The following CLN8 variants were observed in gnomAD, a reference collection of about 807,000 sequenced individuals.
CLN8 encodes the protein protein CLN8.
A neutral mutation model predicts 15.7 loss-of-function variants in CLN8; 14 were observed. That is an observed-to-expected ratio of 0.89 (90% confidence interval 0.59 to 1.39). The LOEUF is 1.39. Among genes scored for constraint, CLN8 ranks in the 40% most tolerant of loss-of-function variants. The pLI is 0.00. For synonymous variants in CLN8, 188 were observed against 151.0 expected (o/e 1.25, Z -1.80); for missense variants, 415 against 364.0 (o/e 1.14, Z -1.14).
At chr8:1,757,121 C>A (rs917840266) in intron 1 of CLN8, among the ~76,000 whole-genome samples, 1 of 152,220 alleles carries the variant, frequency 6.6e-6, no homozygotes, top group African/African-American at 2.4e-5. Context: ...GCGTCCCTCT[C>A]TCTACAGTTT....
At chr8:1,773,912 A>G (rs1434496124) in intron 2 of CLN8, 1 of 152,236 alleles carries the variant, frequency 6.6e-6, no homozygotes, top group African/African-American at 2.4e-5. Flanking sequence ...GTAAATAGTG[A>G]CTAAATTATT....
At chr8:1,780,065 C>G in intron 2 of CLN8, 185 bp from the exon 3 acceptor site, 1 of 985,470 alleles carries the variant, frequency 1.0e-6, no homozygotes, top group Non-Finnish European at 1.2e-6. Flanking sequence ...GGTGCGCCCA[C>G]AGAGCTGGTG....
chr8:1,757,013 A>G (rs1254642229), intron 1 of CLN8, among the ~76,000 whole-genome samples: 1 of 152,118 alleles, frequency 6.6e-6, no homozygotes, highest in Non-Finnish European at 1.5e-5. Context: ...GCTGCACTAA[A>G]GTCCTTTAGG....
At chr8:1,775,626 G>A (rs1426209709) in intron 2 of CLN8, among the ~76,000 whole-genome samples, 1 of 152,206 alleles carries the variant, frequency 6.6e-6, no homozygotes, top group Non-Finnish European at 1.5e-5. Flanking sequence ...GAGGAAAATG[G>A]TGGAGGAGAA....
chr8:1,753,479 G>C (rs921890704), upstream of CLN8, among the ~76,000 whole-genome samples: 1 of 148,502 alleles, frequency 6.7e-6, no homozygotes, highest in Non-Finnish European at 1.5e-5. Context: ...GCTGAGGCAG[G>C]AGAATGGCTT....
chr8:1,771,654 A>G (rs915726626), intron 2 of CLN8, 57 bp downstream of exon 2: 10 of 1,512,070 alleles, frequency 6.6e-6, no homozygotes, highest in South Asian at 1.2e-5. Flanking sequence ...ATCACTGGCT[A>G]CAATGTCCTG....
At chr8:1,761,376 G>C (rs551246938), upstream of CLN8, among the ~76,000 whole-genome samples, 22 of 152,272 alleles carry the variant, frequency 1.4e-4, no homozygotes, top group South Asian at 2.5e-3. Context: ...CCAGGCTGGA[G>C]TGCAGTGGTG....
At chr8:1,770,642 A>C (rs1357944290) in intron 1 of CLN8, among the ~76,000 whole-genome samples, 1 of 152,160 alleles carries the variant, frequency 6.6e-6, no homozygotes, top group Non-Finnish European at 1.5e-5. Context: ...ACTGCTGTGA[A>C]GGCGGGAGAC....
At chr8:1,770,831 T>G in intron 1 of CLN8, 101 bp from the exon 2 acceptor site, 3 of 603,520 alleles carry the variant, frequency 5.0e-6, no homozygotes, top group Non-Finnish European at 8.9e-6. Context: ...AAGAATAAGG[T>G]ACAGAATTAA....
At chr8:1,753,854 C>A (rs1800608048), upstream of CLN8, among the ~76,000 whole-genome samples, 1 of 151,710 alleles carries the variant, frequency 6.6e-6, no homozygotes, top group Admixed American at 6.6e-5. Flanking sequence ...CCATTGCACT[C>A]CAGCCTGAGT....
chr8:1,755,732 C>G (rs552309271), upstream of CLN8: 20 of 152,318 alleles, frequency 1.3e-4, no homozygotes, highest in African/African-American at 4.8e-4. Context: ...GAGACAACAT[C>G]CTGTTACACC....
intron 2 of CLN8, among the ~76,000 whole-genome samples, chr8:1,774,930 G>C (rs758897283): frequency 6.6e-6 from 1 of 152,182 alleles, no homozygotes; most frequent in Non-Finnish European, 1.5e-5. Context: ...ACAGTGAGCT[G>C]TGATTACGCC....
intron 1 of CLN8, among the ~76,000 whole-genome samples, chr8:1,765,894 C>A (rs531141265): frequency 6.6e-6 from 1 of 152,186 alleles, no homozygotes; most frequent in African/African-American, 2.4e-5. Flanking sequence ...ACTGAACTTG[C>A]GTTAGCAGGG....
chr8:1,778,500 G>A (rs971323409), intron 2 of CLN8, among the ~76,000 whole-genome samples: 1 of 152,226 alleles, frequency 6.6e-6, no homozygotes, highest in African/African-American at 2.4e-5. Flanking sequence ...CTTCCTGAGT[G>A]TTCACTGTGC....
Position 1,780,642 on chromosome 8 carries a change from T to C in CLN8, c.*75T>C. 4 of 1,374,890 alleles carry C rather than the reference T, an allele frequency of 2.9e-6. No individual in the cohort carries two copies. The highest frequency in any genetic ancestry group is 3.1e-6 in the Non-Finnish European group (3 of 976,354). 85.2% of individuals were successfully genotyped at this position (1,374,890 alleles called of 1,614,324 possible). ...TGGGAAGCCCCGCGAATGATGGCTT[T>C]TGAATTAATGAGGCAGTGAATGTTT... On this transcript the variant is annotated 3_prime_UTR_variant, in exon 3 of 3. Transcript: ENST00000331222.
At chr8:1,757,061 AGCTG>A (rs1455257644) in intron 1 of CLN8, among the ~76,000 whole-genome samples, 3 of 152,170 alleles carry the variant, frequency 2.0e-5, no homozygotes, top group East Asian at 1.9e-4. Flanking sequence ...CAAGAGATGA[AGCTG>A]GAGAGCAGGC....
chr8:1,771,380 C>A lies in CLN8; in HGVS notation c.326C>A (p.Thr109Lys). ...AACTGGTGCTGGTTTCACATCACGA[C>A]AGCAACGGGATTCTTTTGCTTTGAA... ...QQNWCWFHIT[T>K]ATGFFCFENV... is the part of the protein sequence containing the mutation. Residue 109 changes from threonine to lysine, a missense_variant, in exon 2 of 3, where the codon ACA (threonine) becomes AAA (lysine). Thr to Lys is a moderately conservative substitution (Grantham distance 78, BLOSUM62 -1). Coordinates refer to ENST00000331222, the MANE Select transcript of CLN8 (RefSeq NM_018941.4). 6.2e-7 allele frequency: 1 copy of A among 1,614,212 alleles called. No individual in the cohort carries two copies. The highest frequency in any genetic ancestry group is 1.3e-5 in the African/African-American group (1 of 75,066).
At chr8:1,769,339 G>C (rs1363328722) in intron 1 of CLN8, among the ~76,000 whole-genome samples, 2 of 152,146 alleles carry the variant, frequency 1.3e-5, no homozygotes, top group African/African-American at 4.8e-5. Flanking sequence ...ATAATGATTG[G>C]CAAGTTTTTG....
At chr8:1,761,105 C>A (rs1014319153), upstream of CLN8, among the ~76,000 whole-genome samples, 2 of 146,110 alleles carry the variant, frequency 1.4e-5, no homozygotes, top group African/African-American at 5.1e-5. Flanking sequence ...CTGCAACCTC[C>A]GCCTCCCAGG....
Sources: allele counts gnomAD v4.1 joint callset (sites outside exome capture counted in the v4.1 genomes callset), GRCh38; gene constraint gnomAD v4.1.1; transcripts MANE v1.5; gene names NCBI Gene and HGNC (gene_info 2026-07-23, HGNC 2026-07-21).